The following AUTS2 variants were observed in gnomAD, a reference collection of about 807,000 sequenced individuals.
AUTS2 encodes the protein autism susceptibility gene 2 protein.
A neutral mutation model predicts 112.4 loss-of-function variants in AUTS2; 17 were observed. The observed-to-expected ratio is 0.15, with a 90% CI of 0.10 to 0.23. The LOEUF is 0.23. Ranked by LOEUF, AUTS2 falls within the 10% of genes least tolerant of loss-of-function variation. The pLI, the probability that AUTS2 is intolerant of heterozygous loss-of-function variation, is 1.00. For missense variants in AUTS2, 1,510 were observed against 1,701.6 expected (o/e 0.89, Z 1.98); for synonymous variants, 751 against 702.7 (o/e 1.07, Z -1.09).
chr7:70,263,388 G>A (rs1172982066), intron 4 of AUTS2, among the ~76,000 whole-genome samples: 1 of 152,110 alleles, frequency 6.6e-6, no homozygotes, highest in Non-Finnish European at 1.5e-5. Flanking sequence ...TATTTTTAAA[G>A]TAAACTTAAA....
At chr7:70,244,425 C>T (rs1461934480) in intron 4 of AUTS2, among the ~76,000 whole-genome samples, 1 of 152,100 alleles carries the variant, frequency 6.6e-6, no homozygotes, top group African/African-American at 2.4e-5. Flanking sequence ...TGAATCTAAC[C>T]CTTAAATGAA....
chr7:69,615,246 A>G (rs535346380), intron 1 of AUTS2, among the ~76,000 whole-genome samples: 10 of 152,290 alleles, frequency 6.6e-5, no homozygotes, highest in African/African-American at 2.2e-4. Context: ...GATGGGTGTC[A>G]GTTTCACTTC....
intron 5 of AUTS2, among the ~76,000 whole-genome samples, chr7:70,459,053 G>T (rs966740231): frequency 6.6e-6 from 1 of 152,216 alleles, no homozygotes; most frequent in African/African-American, 2.4e-5. Flanking sequence ...AGCTGTGGTT[G>T]TGTGGTTTCC....
rs1047015885 is a variant in AUTS2 at position 70,766,560 on chromosome 7, C to T, written c.1689+226C>T. 4.6e-5 allele frequency among the ~76,000 whole-genome samples: 7 copies of T among 152,160 alleles called. No individual in the cohort carries two copies. In the East Asian group the frequency reaches 9.7e-4, roughly 21 times the overall value. ...AGGCAGTTGTATCCAGCACTGCGGG[C>T]GGAAATGATTCCATCTGCCCTCAAA... On this transcript the variant is annotated intron_variant, in intron 9 of 18. Coordinates refer to ENST00000342771, the MANE Select transcript of AUTS2 (RefSeq NM_015570.4). This position sits in a 1 kb window ranked among gnomAD's most constrained non-coding sequence, Gnocchi z 4.8.
chr7:70,248,403 C>T lies in AUTS2; in HGVS notation c.660+113832C>T, dbSNP rs1813041097. Among the ~76,000 whole-genome samples, 5 of 152,146 alleles carry T rather than the reference C, an allele frequency of 3.3e-5. No individual in the cohort carries two copies. In the South Asian group the frequency reaches 1.0e-3, roughly 32 times the overall value. On this transcript the variant is annotated intron_variant, in intron 4 of 18. Transcript: ENST00000342771. ...CCTCCCAAAGTGCTGAGATTACAGG[C>T]ATGAGCCACCGTGCCCAGCCATGTC...
chr7:70,624,584 T>C (rs1054678881), intron 5 of AUTS2, among the ~76,000 whole-genome samples: 9 of 152,184 alleles, frequency 5.9e-5, no homozygotes, highest in African/African-American at 2.2e-4. Context: ...CCCCAGGCCC[T>C]GGCATAAATG....
intron 2 of AUTS2, among the ~76,000 whole-genome samples, chr7:69,900,300 A>G (rs561621699): frequency 1.1e-4 from 16 of 152,308 alleles, no homozygotes; most frequent in African/African-American, 3.4e-4. Context: ...TTTTGGCAGG[A>G]CCATTGGGTA....
At chr7:69,731,478 A>T (rs1451189770) in intron 1 of AUTS2, among the ~76,000 whole-genome samples, 1 of 152,230 alleles carries the variant, frequency 6.6e-6, no homozygotes, top group Non-Finnish European at 1.5e-5. Context: ...TATGTGAAAT[A>T]TTGAGCATGG....
chr7:70,235,797 A>T (rs1038181810), intron 4 of AUTS2, among the ~76,000 whole-genome samples: 1 of 151,686 alleles, frequency 6.6e-6, no homozygotes, highest in African/African-American at 2.4e-5. Context: ...GAGTACGGGC[A>T]CCCACCACCA....
In AUTS2 at chr7:70,777,146, A is replaced by G. The variant is rs758566675; in HGVS notation, c.1976A>G (p.Gln659Arg). 3.1e-6 allele frequency: 5 copies of G among 1,614,140 alleles called. No individual in the cohort carries two copies. The highest frequency in any genetic ancestry group is 2.5e-6 in the Non-Finnish European group (3 of 1,180,026). ...WCAMHVHIAWQIYHHQQKVKK... is the reference protein window; with the variant it reads ...WCAMHVHIAWRIYHHQQKVKK... ...GCTATGCATGTTCACATCGCCTGGC[A>G]GATTTACCACCACCAACAGAAAGTC... Residue 659 changes from glutamine (Q) to arginine (R), a missense_variant, in exon 14 of 19, where the codon CAG becomes CGG. Transcript: ENST00000342771.
At chr7:70,010,884 G>A (rs938804250) in intron 2 of AUTS2, among the ~76,000 whole-genome samples, 2 of 150,878 alleles carry the variant, frequency 1.3e-5, no homozygotes, top group Non-Finnish European at 2.9e-5. Context: ...ATTAGAAATT[G>A]GAAGGAAAAG....
intron 6 of AUTS2, among the ~76,000 whole-genome samples, chr7:70,754,033 T>C (rs944694728): frequency 1.2e-4 from 18 of 149,022 alleles, no homozygotes; most frequent in Non-Finnish European, 2.4e-4. Flanking sequence ...TGGTGGCGGG[T>C]GCCTGTAGTC....
chr7:70,211,754 A>G (rs1810911412), intron 4 of AUTS2, among the ~76,000 whole-genome samples: 1 of 152,072 alleles, frequency 6.6e-6, no homozygotes, highest in Non-Finnish European at 1.5e-5. Context: ...TGGGAGGCCG[A>G]GGCAGGTGGA....
intron 5 of AUTS2, among the ~76,000 whole-genome samples, chr7:70,625,883 C>G (rs748378233): frequency 3.3e-5 from 5 of 151,986 alleles, no homozygotes; most frequent in Non-Finnish European, 7.4e-5. Context: ...CATCTGAAGA[C>G]CTTTTTTTAT....
At chr7:69,654,175 G>C (rs17140757) in intron 1 of AUTS2, among the ~76,000 whole-genome samples, 1 of 152,138 alleles carries the variant, frequency 6.6e-6, no homozygotes. Flanking sequence ...TTGCCAGGAA[G>C]AGTCCACCAA....
chr7:70,228,371 A>C (rs1811877514), intron 4 of AUTS2, among the ~76,000 whole-genome samples: 1 of 151,646 alleles, frequency 6.6e-6, no homozygotes, highest in Non-Finnish European at 1.5e-5. Flanking sequence ...TTTTGAAAAA[A>C]ATCCAGTCTA....
intron 4 of AUTS2, among the ~76,000 whole-genome samples, chr7:70,192,289 AG>A (rs1809942957): frequency 6.6e-6 from 1 of 152,160 alleles, no homozygotes; most frequent in Non-Finnish European, 1.5e-5. Context: ...TTGCCACCAC[AG>A]GGGGAAAAAA....
intron 1 of AUTS2, among the ~76,000 whole-genome samples, chr7:69,876,903 G>C (rs1793828557): frequency 6.6e-6 from 1 of 152,016 alleles, no homozygotes; most frequent in Admixed American, 6.6e-5. Flanking sequence ...GCAAATCTCT[G>C]ATGTTTTGTT....
chr7:69,925,562 G>A (rs1450881812), intron 2 of AUTS2, among the ~76,000 whole-genome samples: 4 of 152,158 alleles, frequency 2.6e-5, no homozygotes, highest in Non-Finnish European at 5.9e-5. Context: ...CATTAAATCA[G>A]TCAATTAATT....
Sources: allele counts gnomAD v4.1 joint callset (sites outside exome capture counted in the v4.1 genomes callset), GRCh38; gene constraint gnomAD v4.1.1; non-coding constraint Gnocchi (gnomAD v3.1); transcripts MANE v1.5; gene names NCBI Gene and HGNC (gene_info 2026-07-23, HGNC 2026-07-21).